Variants in BAZ2B observed in about 807,000 individuals in gnomAD.
BAZ2B encodes the protein bromodomain adjacent to zinc finger domain 2B.
BAZ2B carries 91 observed loss-of-function variants against 246.0 expected under a neutral mutation model. That is an observed-to-expected ratio of 0.37 (90% CI 0.31 to 0.44). The LOEUF (loss-of-function observed/expected upper bound fraction) is 0.44, where lower values mean the gene tolerates loss of function less well. Among genes scored for constraint, BAZ2B ranks in the 20% least tolerant of loss-of-function variants. The pLI, the probability that BAZ2B is intolerant of heterozygous loss-of-function variation, is 1.00. For missense variants in BAZ2B, 2,332 were observed against 2,533.7 expected, an observed-to-expected ratio of 0.92 and a Z score of 1.71; for synonymous variants, 855 against 860.0, an observed-to-expected ratio of 0.99 and a Z score of 0.10.
Position 159,336,957 on chromosome 2 carries a change from T to C in BAZ2B, c.5781A>G (p.Lys1927=), listed in dbSNP as rs756649542. 6.9e-6 allele frequency: 11 copies of C among 1,602,266 alleles called. No homozygotes were observed. The highest frequency in any genetic ancestry group is 1.7e-5 in the Admixed American group (1 of 58,366). Residue 1927 remains lysine (K), a synonymous_variant, in exon 33 of 37, where the codon AAA becomes AAG. Coordinates refer to ENST00000392783, the MANE Select transcript of BAZ2B (RefSeq NM_013450.4). ...AAACACTTACAACTTTCATAATTGA[T>C]TTTTCCCATGCTATTGATTTCTGTA... ...QQLQKSIAWE[K]SIMKVYCQIC...
chr2:159,691,291 C>G, the BAZ2B span, among the ~76,000 whole-genome samples: 2 of 152,060 alleles, frequency 1.3e-5, no homozygotes, highest in Non-Finnish European at 2.9e-5. Flanking sequence ...GTGCTGACTC[C>G]CTACTCAGGT....
chr2:159,690,266 G>A, the BAZ2B span: 13 of 346,774 alleles, frequency 3.7e-5, no homozygotes, highest in Admixed American at 1.9e-4. Context: ...AGCCACTTTC[G>A]TCTTGGCTCC....
intron 35 of BAZ2B, 90 bp downstream of exon 35, chr2:159,325,563 T>A (rs440241): frequency 0.53 from 710,225 of 1,348,228 alleles, 197,785 homozygotes; most frequent in East Asian, 0.94. Context: ...ACATAAATTA[T>A]CAGAAAGAAA....
At chr2:159,595,898 T>C (rs1286009181) in intron 1 of BAZ2B, among the ~76,000 whole-genome samples, 1 of 152,240 alleles carries the variant, frequency 6.6e-6, no homozygotes, top group Non-Finnish European at 1.5e-5. Context: ...TTTCTGTATG[T>C]CACTTCCTTT....
the BAZ2B span, among the ~76,000 whole-genome samples, chr2:159,653,917 A>G: frequency 2.0e-5 from 3 of 152,202 alleles, no homozygotes; most frequent in East Asian, 5.8e-4. Flanking sequence ...AGGAAATTCT[A>G]CTAGATAATC....
chr2:159,638,346 C>T, the BAZ2B span, among the ~76,000 whole-genome samples: 1 of 152,176 alleles, frequency 6.6e-6, no homozygotes, highest in African/African-American at 2.4e-5. Context: ...CACTGATGAA[C>T]ATCTATAAGC....
chr2:159,590,725 T>C (rs1204925505), intron 1 of BAZ2B, among the ~76,000 whole-genome samples: 1 of 152,264 alleles, frequency 6.6e-6, no homozygotes, highest in African/African-American at 2.4e-5. Context: ...GGTGTGCTAG[T>C]CCCTAATTGC....
At chr2:159,534,494 AAAG>A (rs1240279372) in intron 2 of BAZ2B, among the ~76,000 whole-genome samples, 10 of 152,262 alleles carry the variant, frequency 6.6e-5, no homozygotes, top group Non-Finnish European at 8.8e-5. Flanking sequence ...TAAACATAGA[AAAG>A]AAAAAGTAAA....
chr2:159,495,549 T>C (rs1281312724), intron 2 of BAZ2B, among the ~76,000 whole-genome samples: 2 of 110,868 alleles, frequency 1.8e-5, no homozygotes, highest in Non-Finnish European at 3.7e-5. Context: ...CTTCTGAAAA[T>C]AGATTGCCAT....
intron 13 of BAZ2B, among the ~76,000 whole-genome samples, chr2:159,420,112 C>T (rs534601398): frequency 6.6e-6 from 1 of 152,298 alleles, no homozygotes; most frequent in East Asian, 1.9e-4. Flanking sequence ...TCTAAACCAA[C>T]AATCATTTTT....
chr2:159,400,862 A>G (rs1440937382), intron 16 of BAZ2B, among the ~76,000 whole-genome samples, 198 bp from the exon 17 acceptor site: 1 of 152,076 alleles, frequency 6.6e-6, no homozygotes, highest in Non-Finnish European at 1.5e-5. Flanking sequence ...AACACAGTGA[A>G]ACCTCGTCTC....
At chr2:159,415,735 A>C (rs1230305218) in intron 13 of BAZ2B, among the ~76,000 whole-genome samples, 1 of 152,180 alleles carries the variant, frequency 6.6e-6, no homozygotes, top group Non-Finnish European at 1.5e-5. Flanking sequence ...AAAGTTCTTG[A>C]GTTTTACGTT....
chr2:159,518,487 C>CA (rs2083683804), intron 2 of BAZ2B, among the ~76,000 whole-genome samples: 1 of 152,174 alleles, frequency 6.6e-6, no homozygotes, highest in South Asian at 2.1e-4. Flanking sequence ...CAAGAAACCA[C>CA]AGAGCTCAGT....
At position 159,385,164 on chromosome 2, in the gene BAZ2B, C is replaced by T. The variant is rs1323826051; in HGVS notation, c.3677G>A (p.Ser1226Asn). The T allele has an allele frequency of 6.2e-7, 1 of 1,613,040 alleles. No homozygotes were observed. Among genetic ancestry groups the T allele is most frequent in the South Asian group, 1.1e-5 (1 of 91,058 alleles). The stretch of plus-strand genomic sequence containing the variant: ...CTGGGCATATGCTCACCTGACCACA[C>T]TCTTGCTGCATGCCAGTTCATTGAT... The part of the protein sequence containing the change: ...FLINELACSK[S>N]VVSEIDKNID... The change falls in exon 23 of 37, where the codon AGT becomes AAT. Residue 1226 changes from serine to asparagine, a missense_variant. Physicochemically the swap from Ser to Asn is conservative, Grantham distance 46. Transcript: ENST00000392783.
chr2:159,474,459 T>C (rs983587619), intron 3 of BAZ2B, among the ~76,000 whole-genome samples: 3 of 152,184 alleles, frequency 2.0e-5, no homozygotes, highest in African/African-American at 7.2e-5. Flanking sequence ...TCTTTGCCCA[T>C]GAGATGGGGC....
At chr2:159,431,534 T>C (rs187775594) in intron 9 of BAZ2B, among the ~76,000 whole-genome samples, 238 of 152,252 alleles carry the variant, frequency 1.6e-3, no homozygotes, top group African/African-American at 5.5e-3. Flanking sequence ...AAGTCAAATA[T>C]GAGAAAGAGA....
chr2:159,358,375 C>T (rs139284694), intron 27 of BAZ2B, among the ~76,000 whole-genome samples: 2,838 of 152,264 alleles, frequency 0.019, 85 homozygotes, highest in African/African-American at 0.065. Context: ...AAAGGCATTA[C>T]ATAATGGTAA....
chr2:159,515,344 A>C (rs2083323770), intron 2 of BAZ2B, among the ~76,000 whole-genome samples: 1 of 152,008 alleles, frequency 6.6e-6, no homozygotes, highest in African/African-American at 2.4e-5. Context: ...TAAGCTTTCT[A>C]CTTCCCATTT....
At chr2:159,491,299 C>T (rs1474728953) in intron 2 of BAZ2B, among the ~76,000 whole-genome samples, 3 of 152,112 alleles carry the variant, frequency 2.0e-5, no homozygotes, top group African/African-American at 7.2e-5. Flanking sequence ...AAGTAATGTG[C>T]ACTTCTGATG....
Sources: gnomAD v4.1 joint callset for allele counts (sites outside exome capture counted in the v4.1 genomes callset) on GRCh38, gnomAD v4.1.1 for gene constraint, MANE v1.5 for transcripts, NCBI Gene and HGNC (gene_info 2026-07-23, HGNC 2026-07-21) for gene names.